Variants in DNAH2 observed in about 807,000 individuals in gnomAD.
DNAH2 encodes the protein dynein axonemal heavy chain 2.
A neutral mutation model predicts 523.5 loss-of-function variants in DNAH2; 323 were observed. The ratio of observed to expected loss-of-function variants is 0.62; its 90% CI spans 0.56 to 0.68. The LOEUF (loss-of-function observed/expected upper bound fraction) is 0.68. DNAH2 is among the 30% of genes least tolerant of loss of function. The pLI is 0.00. For missense variants in DNAH2, 4,907 were observed against 5,701.5 expected, an observed-to-expected ratio of 0.86 and a Z score of 4.49; for synonymous variants, 2,093 against 2,177.4, an observed-to-expected ratio of 0.96 and a Z score of 1.08.
intron 63 of DNAH2, among the ~76,000 whole-genome samples, chr17:7,813,072 G>A (rs1442520221): frequency 6.6e-6 from 1 of 152,106 alleles, no homozygotes; most frequent in African/African-American, 2.4e-5. Flanking sequence ...CTCTAAAGAA[G>A]GAACCTGGCT....
At chr17:7,783,994 A>C (rs1255958287) in intron 39 of DNAH2, among the ~76,000 whole-genome samples, 1 of 152,124 alleles carries the variant, frequency 6.6e-6, no homozygotes, top group Non-Finnish European at 1.5e-5. Context: ...ATAGAAAATG[A>C]TGTTTTTTCT....
intron 27 of DNAH2, 33 bp from the exon 28 acceptor site, chr17:7,771,296 AG>A (rs749802489): frequency 1.2e-6 from 2 of 1,613,702 alleles, no homozygotes; most frequent in Non-Finnish European, 8.5e-7. Flanking sequence ...GTGTGTAAGA[AG>A]TGGCCTCTCA....
intron 44 of DNAH2, among the ~76,000 whole-genome samples, chr17:7,791,132 G>A (rs886937943): frequency 4.0e-5 from 6 of 151,738 alleles, no homozygotes; most frequent in Admixed American, 6.6e-5. Flanking sequence ...GGAGCGCAGC[G>A]GTGCCATCTC....
At chr17:7,740,064 C>A in intron 9 of DNAH2, 126 bp downstream of exon 9, 1 of 651,416 alleles carries the variant, frequency 1.5e-6, no homozygotes. Context: ...AGGGCGGTGG[C>A]CCGGGGGGGG....
chr17:7,741,234 CTCTCTTTCTT>C (rs1208871360), intron 11 of DNAH2, among the ~76,000 whole-genome samples: 82 of 135,590 alleles, frequency 6.0e-4, no homozygotes, highest in Non-Finnish European at 7.6e-4. Context: ...TTTTTTCTCT[CTCTCTTTCTT>C]TCTTTCTTTC....
chr17:7,774,910 C>T lies in DNAH2; in HGVS notation c.4653C>T (p.Asn1551=). The T allele has an allele frequency of 6.2e-7, 1 of 1,614,202 alleles. No individual in the cohort carries two copies. The highest frequency in any genetic ancestry group is 8.5e-7 in the Non-Finnish European group (1 of 1,180,048). ...TGGAGATTCTGGGCCAGTCCCGAAA[C>T]CCAGAGGCTGTGCAGCCACACCTCA... ...DLLEILGQSR[N]PEAVQPHLKK... The change falls in exon 29 of 86, where the codon AAC becomes AAT. Residue 1551 remains asparagine (N), a synonymous_variant. Transcript: ENST00000572933.
chr17:7,736,415 T>C (rs2075143633), intron 7 of DNAH2, among the ~76,000 whole-genome samples: 1 of 152,194 alleles, frequency 6.6e-6, no homozygotes, highest in African/African-American at 2.4e-5. Flanking sequence ...GAGAGTGATA[T>C]GCGGCCAGTT....
Position 7,734,490 on chromosome 17 carries a change from C to A in DNAH2, c.760C>A (p.Arg254=), listed in dbSNP as rs184551710. The A allele has an allele frequency of 6.2e-7, 1 of 1,613,718 alleles. No homozygotes were observed. Among genetic ancestry groups the A allele is most frequent in the Non-Finnish European group, 8.5e-7 (1 of 1,179,954 alleles). ...RLETSMIHWT[R]QIKEMLSAQE... The stretch of plus-strand genomic sequence containing the variant: ...TGCAGCCTCCATGATCCACTGGACC[C>A]GGCAGATAAAGGAGATGCTCAGTGC... The change falls in exon 7 of 86, where the codon CGG becomes AGG. Residue 254 remains arginine, a synonymous_variant. Coordinates refer to ENST00000572933, the MANE Select transcript of DNAH2 (RefSeq NM_020877.5).
rs144727045 is a variant in DNAH2, at chr17:7,776,811, G to A, written c.4980G>A (p.Thr1660=). Reference sequence around the variant, plus strand: ...TCACTGCCAGTCAGATCCAGTGGACGGCTGATGTCACCAAGTGCCTGCTGA... The same window carrying A: ...TCACTGCCAGTCAGATCCAGTGGACAGCTGATGTCACCAAGTGCCTGCTGA... The part of the protein sequence containing the change: ...VVITASQIQW[T]ADVTKCLLTA... Residue 1660 remains threonine (T), a synonymous_variant, in exon 32 of 86, where the codon ACG becomes ACA. Transcript: ENST00000572933. 8.8e-4 allele frequency: 1,413 copies of A among 1,612,954 alleles called. 18 individuals carry two copies. In the South Asian group the frequency reaches 0.013, roughly 14 times the overall value.
At position 7,797,779 on chromosome 17, in the gene DNAH2, C is replaced by T. The variant is rs1401024527; in HGVS notation, c.8180C>T (p.Pro2727Leu). Residue 2727 changes from proline to leucine, a missense_variant, in exon 53 of 86, where the codon CCC (proline) becomes CTC (leucine). Physicochemically the swap from Pro to Leu is moderately conservative, Grantham distance 98 (BLOSUM62 -3). Around this residue, in one of 3 missense-constraint regions of DNAH2, gnomAD observed 250 missense variants for 371.3 expected, o/e 0.67. Transcript: ENST00000572933. ...ETALNEYNLSPSVVPMQLVLF... is the reference protein window; with the variant it reads ...ETALNEYNLSLSVVPMQLVLF... The stretch of plus-strand genomic sequence containing the variant: ...GCTCTAAATGAGTATAACCTGTCAC[C>T]CTCTGTCGTGCCCATGCAGCTAGTG... The T allele has an allele frequency of 6.2e-7, 1 of 1,613,948 alleles. No individual in the cohort carries two copies. The highest frequency in any genetic ancestry group is 8.5e-7 in the Non-Finnish European group (1 of 1,180,018).
At position 7,774,846 on chromosome 17, in the gene DNAH2, T is replaced by A; in HGVS notation, c.4589T>A (p.Ile1530Asn). ...ATGTATTTAGAGACCAAGCGACATA[T>A]TTTCCCCCGCTTCTACTTCTTGTCC... is the stretch of plus-strand genomic sequence containing the variant. ...LDMYLETKRH[I>N]FPRFYFLSND... Residue 1530 changes from isoleucine to asparagine, a missense_variant, in exon 29 of 86, where the codon ATT becomes AAT. Ile to Asn is a moderately radical substitution (Grantham distance 149). This residue lies in a region of DNAH2 where 2,806 missense variants were observed against 3,190.8 expected (regional missense o/e 0.88). Transcript: ENST00000572933. 1 of 1,614,202 alleles carries A rather than the reference T, an allele frequency of 6.2e-7. No individual in the cohort carries two copies. Among genetic ancestry groups the A allele is most frequent in the South Asian group, 1.1e-5 (1 of 91,088 alleles).
intron 12 of DNAH2, among the ~76,000 whole-genome samples, chr17:7,745,056 G>A (rs376030185): frequency 2.4e-4 from 37 of 151,434 alleles, no homozygotes; most frequent in African/African-American, 5.3e-4. Context: ...GTGCAGTGGC[G>A]CAATCTTGGC....
At position 7,780,983 on chromosome 17, in the gene DNAH2, G is replaced by A. The variant is rs2151247403; in HGVS notation, c.6004-59G>A. The A allele has an allele frequency of 1.2e-6, 2 of 1,611,548 alleles. No homozygotes were observed. The highest frequency in any genetic ancestry group is 1.7e-4 in the Middle Eastern group (1 of 6,046). On this transcript the variant is annotated intron_variant, in intron 38 of 85. Transcript: ENST00000572933. This position sits in a 1 kb window ranked among gnomAD's most constrained non-coding sequence, Gnocchi z 4.4. ...TTGGCACGTGCCCCGAAGCCCTTTG[G>A]AGGTGAAAGGCCTAGGCCCTGCCTC... is the stretch of plus-strand genomic sequence containing the variant.
In DNAH2 at chr17:7,775,050, GACCCT is replaced by G. The variant is rs930981897; in HGVS notation, c.4719+75_4719+79del. 4.8e-6 allele frequency: 7 copies of G among 1,457,998 alleles called. No individual in the cohort carries two copies. In the African/African-American group the frequency reaches 9.9e-5, roughly 21 times the overall value. 90.3% of individuals were successfully genotyped at this position (1,457,998 alleles called of 1,614,324 possible). On this transcript the variant is annotated intron_variant, in intron 29 of 85. Coordinates refer to ENST00000572933, the MANE Select transcript of DNAH2 (RefSeq NM_020877.5). ...TTGGGGTATGAAAAGCTTTGGAGGG[GACCCT>G]GCCCTCCCAAAAGGAGGGCCATGTT...
At chr17:7,766,503 C>A in intron 22 of DNAH2, 22 bp downstream of exon 22, 2 of 1,610,390 alleles carry the variant, frequency 1.2e-6, no homozygotes, top group Non-Finnish European at 8.5e-7. Context: ...AGCAAGGACC[C>A]TGTGGTCACT....
chr17:7,818,109 C>T lies in DNAH2; in HGVS notation c.10387+13C>T, dbSNP rs1176105987. ...GTAGCCCGAATCGGTCAGGACAAGT[C>T]CCCAAGACCAGCCAAGTGGGATGCT... On this transcript the variant is annotated intron_variant, in intron 68 of 85. Transcript: ENST00000572933. 1.2e-6 allele frequency: 2 copies of T among 1,609,528 alleles called. No homozygotes were observed. Among genetic ancestry groups the T allele is most frequent in the Admixed American group, 3.3e-5 (2 of 60,004 alleles).
In DNAH2 at chr17:7,816,613, A is replaced by G. The variant is rs2077674162; in HGVS notation, c.9772A>G (p.Lys3258Glu). 6.2e-7 allele frequency: 1 copy of G among 1,614,116 alleles called. No individual in the cohort carries two copies. Among genetic ancestry groups the G allele is most frequent in the Non-Finnish European group, 8.5e-7 (1 of 1,180,056 alleles). The stretch of plus-strand genomic sequence containing the variant: ...GATGCTAAAGAAACAGTATGATGAG[A>G]AGCTGGCACAGAAGGAGGAGCTTCG... ...LEMLKKQYDE[K>E]LAQKEELRKK... Residue 3258 changes from lysine to glutamate, a missense_variant, in exon 64 of 86, where the codon AAG (lysine) becomes GAG (glutamate). By Grantham distance (56) the Lys-to-Glu change is moderately conservative. Coordinates refer to ENST00000572933, the MANE Select transcript of DNAH2 (RefSeq NM_020877.5).
chr17:7,734,636 C>G lies in DNAH2; in HGVS notation c.906C>G (p.His302Gln). The G allele has an allele frequency of 1.2e-6, 2 of 1,613,140 alleles. No homozygotes were observed. Among genetic ancestry groups the G allele is most frequent in the Non-Finnish European group, 1.7e-6 (2 of 1,179,888 alleles). The part of the protein sequence containing the change: ...SKQLVKKGVK[H>Q]VESILHLAKS... ...AGCTGGTGAAGAAGGGAGTGAAGCACGTTGAATCCATCCTGCACCTTGCCA... is the reference window on the plus strand; with the variant it reads ...AGCTGGTGAAGAAGGGAGTGAAGCAGGTTGAATCCATCCTGCACCTTGCCA... The change falls in exon 7 of 86, where the codon CAC becomes CAG. Residue 302 changes from histidine to glutamine, a missense_variant. Around this residue, in one of 3 missense-constraint regions of DNAH2, gnomAD observed 2,806 missense variants for 3,190.8 expected, o/e 0.88. Coordinates refer to ENST00000572933, the MANE Select transcript of DNAH2 (RefSeq NM_020877.5).
intron 63 of DNAH2, among the ~76,000 whole-genome samples, chr17:7,815,638 A>T (rs1597749446): frequency 1.2e-5 from 1 of 85,038 alleles, no homozygotes; most frequent in Non-Finnish European, 3.4e-5. Flanking sequence ...ATACGGGATC[A>T]CACACACGTA....
Sources: gnomAD v4.1 joint callset for allele counts (sites outside exome capture counted in the v4.1 genomes callset) on GRCh38, gnomAD v4.1.1 for gene constraint, gnomAD v4.1.1 regional missense constraint, Gnocchi (gnomAD v3.1) non-coding constraint, MANE v1.5 for transcripts, NCBI Gene and HGNC (gene_info 2026-07-23, HGNC 2026-07-21) for gene names.